ANTXR2: variants seen among roughly 807,000 people sequenced by gnomAD.
ANTXR2 encodes the protein ANTXR cell adhesion molecule 2.
Under a neutral mutation model 73.7 loss-of-function variants are expected in ANTXR2, and 44 were observed. The ratio of observed to expected loss-of-function variants is 0.60; its 90% CI spans 0.47 to 0.77. The LOEUF (loss-of-function observed/expected upper bound fraction) is 0.77. Ranked by LOEUF, ANTXR2 falls within the 30% of genes least tolerant of loss-of-function variation. The pLI, the probability that ANTXR2 is intolerant of heterozygous loss-of-function variation, is 0.00. For missense variants in ANTXR2, 604 were observed against 592.5 expected (o/e 1.02, Z -0.20); for synonymous variants, 217 against 205.9 (o/e 1.05, Z -0.46).
At chr4:79,959,186 A>G (rs1481133659) in intron 16 of ANTXR2, among the ~76,000 whole-genome samples, 1 of 152,082 alleles carries the variant, frequency 6.6e-6, no homozygotes, top group African/African-American at 2.4e-5. Context: ...AGATTTAATT[A>G]TAATTTAAAA....
chr4:79,906,939 T>C lies in ANTXR2; in HGVS notation c.*490A>G, dbSNP rs1726934348. On this transcript the variant is annotated 3_prime_UTR_variant, in exon 17 of 17. Transcript: ENST00000403729. ...CTGACATAGCTATAAGGCAATGGAC[T>C]TCTTTATTTGCTTAGCCTGGTGGGA... 1 of 178,982 alleles carries C rather than the reference T, an allele frequency of 5.6e-6. No homozygotes were observed. The highest frequency in any genetic ancestry group is 1.3e-4 in the South Asian group (1 of 7,514). The allele number at this position is 178,982 out of a possible 1,614,324, so 11.1% of individuals were successfully genotyped here. A position where few individuals can be genotyped will look rare whatever the true frequency, so the allele number is the denominator to read the frequency against.
At chr4:80,004,214 A>C (rs1731194350) in intron 12 of ANTXR2, among the ~76,000 whole-genome samples, 1 of 151,940 alleles carries the variant, frequency 6.6e-6, no homozygotes, top group South Asian at 2.1e-4. Flanking sequence ...TAAAAAAATT[A>C]TGAAAAAAAA....
chr4:79,952,957 C>T (rs1728759408), intron 16 of ANTXR2, among the ~76,000 whole-genome samples: 1 of 152,036 alleles, frequency 6.6e-6, no homozygotes, highest in Non-Finnish European at 1.5e-5. Context: ...TAGCATGCCA[C>T]AACATGAAAG....
intron 3 of ANTXR2, among the ~76,000 whole-genome samples, chr4:80,063,575 T>C (rs557451207): frequency 1.3e-5 from 2 of 152,256 alleles, no homozygotes; most frequent in East Asian, 3.9e-4. Context: ...GTATGTTCTC[T>C]AGACTTCTTT....
At chr4:79,964,120 T>A (rs374231985) in intron 16 of ANTXR2, among the ~76,000 whole-genome samples, 1 of 152,190 alleles carries the variant, frequency 6.6e-6, no homozygotes, top group South Asian at 2.1e-4. Context: ...CTAGGATTCT[T>A]CAACCGCTGT....
rs1726916402 is a variant in ANTXR2 at position 79,906,515 on chromosome 4, A to T, written c.*914T>A. 1 of 152,628 alleles carries T rather than the reference A, an allele frequency of 6.6e-6. No homozygotes were observed. Among genetic ancestry groups the T allele is most frequent in the Admixed American group, 6.6e-5 (1 of 15,258 alleles). 9.5% of individuals were successfully genotyped at this position (152,628 alleles called of 1,614,324 possible). A position where few individuals can be genotyped will look rare whatever the true frequency, so the allele number is the denominator to read the frequency against. The stretch of plus-strand genomic sequence containing the variant: ...AACCCTGAGCGGAAGCTTTGTGGTT[A>T]CTGCTTCCTTTAAATTAAAAGCAAA... On this transcript the variant is annotated 3_prime_UTR_variant, in exon 17 of 17. Transcript: ENST00000403729.
At chr4:79,946,971 C>A (rs1256213299) in intron 16 of ANTXR2, among the ~76,000 whole-genome samples, 1 of 152,018 alleles carries the variant, frequency 6.6e-6, no homozygotes, top group Non-Finnish European at 1.5e-5. Flanking sequence ...ATTTAAATGC[C>A]CATGTAGGTA....
chr4:80,058,240 G>A (rs1262986452), intron 3 of ANTXR2, among the ~76,000 whole-genome samples: 4 of 151,448 alleles, frequency 2.6e-5, no homozygotes, highest in Non-Finnish European at 4.4e-5. Flanking sequence ...TGGATTCAAG[G>A]TTTTTTTTTG....
At chr4:80,062,086 A>G (rs941589364) in intron 3 of ANTXR2, among the ~76,000 whole-genome samples, 3 of 152,198 alleles carry the variant, frequency 2.0e-5, no homozygotes, top group Non-Finnish European at 2.9e-5. Flanking sequence ...ATCTTACTAT[A>G]GTCTATGTAA....
At chr4:80,000,488 GCAA>G (rs1730977478) in intron 12 of ANTXR2, among the ~76,000 whole-genome samples, 1 of 152,046 alleles carries the variant, frequency 6.6e-6, no homozygotes, top group Non-Finnish European at 1.5e-5. Flanking sequence ...TATTCACCAT[GCAA>G]CATGCCTGGT....
chr4:79,975,456 T>C (rs1169995905), intron 16 of ANTXR2, among the ~76,000 whole-genome samples: 1 of 152,186 alleles, frequency 6.6e-6, no homozygotes, highest in African/African-American at 2.4e-5. Flanking sequence ...ATAGGAATAA[T>C]GAAAGACTAT....
chr4:80,066,721 T>C (rs1397551797), intron 3 of ANTXR2, among the ~76,000 whole-genome samples: 1 of 151,862 alleles, frequency 6.6e-6, no homozygotes, highest in Non-Finnish European at 1.5e-5. Flanking sequence ...TTTTATGGGG[T>C]AGGTATTACT....
intron 7 of ANTXR2, among the ~76,000 whole-genome samples, chr4:80,053,250 C>G (rs922019152): frequency 6.6e-6 from 1 of 151,590 alleles, no homozygotes; most frequent in Admixed American, 6.6e-5. Context: ...TCCCTAAAAC[C>G]TAAACACAAC....
At chr4:79,910,088 C>A (rs1246163112) in intron 16 of ANTXR2, among the ~76,000 whole-genome samples, 1 of 152,190 alleles carries the variant, frequency 6.6e-6, no homozygotes, top group Non-Finnish European at 1.5e-5. Flanking sequence ...CTGTGTACCT[C>A]AGTTCTTTTA....
chr4:80,033,374 AAT>A (rs1732788114), intron 9 of ANTXR2, 96 bp downstream of exon 9: 1 of 811,958 alleles, frequency 1.2e-6, no homozygotes. Flanking sequence ...TAGATTAAAA[AAT>A]ATGTCAGTTA....
chr4:79,991,316 AG>A (rs772303531), intron 12 of ANTXR2, among the ~76,000 whole-genome samples: 4 of 152,166 alleles, frequency 2.6e-5, no homozygotes, highest in Non-Finnish European at 5.9e-5. Flanking sequence ...TCTCAAAAGA[AG>A]ACATATACAA....
At chr4:80,016,256 T>C (rs1345232226) in intron 11 of ANTXR2, among the ~76,000 whole-genome samples, 1 of 152,180 alleles carries the variant, frequency 6.6e-6, no homozygotes, top group Non-Finnish European at 1.5e-5. Flanking sequence ...GTCTACATTT[T>C]CTATTTCCAA....
chr4:79,975,895 T>G (rs1560925083), intron 16 of ANTXR2, among the ~76,000 whole-genome samples: 1 of 150,744 alleles, frequency 6.6e-6, no homozygotes, highest in Non-Finnish European at 1.5e-5. Flanking sequence ...ATTCCAGGAA[T>G]AAATTTTCTC....
intron 16 of ANTXR2, among the ~76,000 whole-genome samples, chr4:79,959,341 TA>T (rs1729057911): frequency 6.6e-6 from 1 of 152,146 alleles, no homozygotes; most frequent in African/African-American, 2.4e-5. Flanking sequence ...GCTTAATTTA[TA>T]AGTAGTAAAA....
Sources: allele counts gnomAD v4.1 joint callset (sites outside exome capture counted in the v4.1 genomes callset), GRCh38; gene constraint gnomAD v4.1.1; transcripts MANE v1.5; gene names NCBI Gene and HGNC (gene_info 2026-07-23, HGNC 2026-07-21).